LRRTM3: variants seen among roughly 807,000 people sequenced by gnomAD.
The protein encoded by LRRTM3 is leucine-rich repeat transmembrane neuronal protein 3.
Under a neutral mutation model 44.7 loss-of-function variants are expected in LRRTM3, and 24 were observed. That is an observed-to-expected ratio of 0.54 (90% CI 0.39 to 0.76). LRRTM3 has a LOEUF of 0.76. Among genes scored for constraint, LRRTM3 ranks in the 30% least tolerant of loss-of-function variants. The pLI, the probability that LRRTM3 is intolerant of heterozygous loss-of-function variation, is 0.00. For synonymous variants in LRRTM3, 277 were observed against 278.7 expected (o/e 0.99, Z 0.06); for missense variants, 587 against 702.2 (o/e 0.84, Z 1.85).
intron 2 of LRRTM3, among the ~76,000 whole-genome samples, chr10:67,035,814 C>T (rs553234175): frequency 2.2e-4 from 34 of 152,022 alleles, no homozygotes; most frequent in African/African-American, 6.0e-4. Flanking sequence ...AAATCCATAG[C>T]TGAAGCATGC....
chr10:67,070,449 C>T (rs1856376835), intron 2 of LRRTM3, among the ~76,000 whole-genome samples: 1 of 151,992 alleles, frequency 6.6e-6, no homozygotes, highest in Non-Finnish European at 1.5e-5. Context: ...GTTTGTGTCC[C>T]GATTAAGAAA....
At position 67,024,761 on chromosome 10, in the gene LRRTM3, C is replaced by A. The variant is rs147726427; in HGVS notation, c.1537-72826C>A. Among the ~76,000 whole-genome samples, 851 of 152,246 alleles carry A rather than the reference C, an allele frequency of 5.6e-3. 25 individuals carry two copies. The highest frequency in any genetic ancestry group is 0.045 in the Admixed American group (692 of 15,298). On this transcript the variant is annotated intron_variant, in intron 2 of 2. Coordinates refer to ENST00000361320, the MANE Select transcript of LRRTM3 (RefSeq NM_178011.5). ...TCAGAGCCTACTAAACATTCTTTGG[C>A]ATGTCATTGATGTTGCTTTAAATAT...
At position 67,004,715 on chromosome 10, in the gene LRRTM3, T is replaced by C. The variant is rs138118351; in HGVS notation, c.1536+76263T>C. 5.2e-3 allele frequency among the ~76,000 whole-genome samples: 797 copies of C among 152,320 alleles called. 2 individuals are homozygous for C. Among genetic ancestry groups the C allele is most frequent in the African/African-American group, 0.018 (759 of 41,584 alleles). On this transcript the variant is annotated intron_variant, in intron 2 of 2. Transcript: ENST00000361320. ...TTCAAAAGACTAGTATACTCACTGA[T>C]AAATGCCTTTTTAACTTATATCATG... is the stretch of plus-strand genomic sequence containing the variant.
At chr10:67,034,107 A>G (rs1853898497) in intron 2 of LRRTM3, among the ~76,000 whole-genome samples, 1 of 152,052 alleles carries the variant, frequency 6.6e-6, no homozygotes, top group Non-Finnish European at 1.5e-5. Flanking sequence ...AAGCTGACAC[A>G]TTGTTAGAAC....
intron 2 of LRRTM3, among the ~76,000 whole-genome samples, chr10:67,017,950 T>A (rs1852764057): frequency 6.6e-6 from 1 of 151,976 alleles, no homozygotes; most frequent in Admixed American, 6.6e-5. Context: ...TTGTATTTTT[T>A]AAGTTGAGAT....
rs1858284474 is a variant in LRRTM3 at position 67,100,631 on chromosome 10, C to T, written c.*2835C>T. The stretch of plus-strand genomic sequence containing the variant: ...CCGATTTAAACAACTGAAATGTTTA[C>T]TTATGTTTGGAGCTGAAAAATGGAA... On this transcript the variant is annotated 3_prime_UTR_variant, in exon 3 of 3. Transcript: ENST00000361320. Among the ~76,000 whole-genome samples, 1 of 151,618 alleles carries T rather than the reference C, an allele frequency of 6.6e-6. No individual in the cohort carries two copies. Among genetic ancestry groups the T allele is most frequent in the African/African-American group, 2.4e-5 (1 of 41,338 alleles).
chr10:66,926,101 GC>G lies in LRRTM3; in HGVS notation c.-482del. 2.2e-6 allele frequency: 1 copy of G among 458,340 alleles called. No individual in the cohort carries two copies. The highest frequency in any genetic ancestry group is 4.4e-6 in the Non-Finnish European group (1 of 228,156). The allele number at this position is 458,340 out of a possible 1,614,324, so 28.4% of individuals were successfully genotyped here. On this transcript the variant is annotated 5_prime_UTR_variant, in exon 1 of 3. An upstream open reading frame in the 5' UTR loses its in-frame stop. Coordinates refer to ENST00000361320, the MANE Select transcript of LRRTM3 (RefSeq NM_178011.5). ...GAGCTGAGCGTGTGCGCGGTACGGG[GC>G]TCTCCTGCCTTCTGGGCTCCAACGC... is the stretch of plus-strand genomic sequence containing the variant.
intron 2 of LRRTM3, among the ~76,000 whole-genome samples, chr10:67,060,816 G>T (rs541731936): frequency 6.6e-6 from 1 of 151,992 alleles, no homozygotes; most frequent in East Asian, 1.9e-4. Flanking sequence ...CAGTACAAAT[G>T]GTTGTGTACA....
chr10:67,008,925 T>C (rs1288463240), intron 2 of LRRTM3, among the ~76,000 whole-genome samples: 1 of 152,196 alleles, frequency 6.6e-6, no homozygotes, highest in Non-Finnish European at 1.5e-5. Flanking sequence ...AAAATGTTTG[T>C]GCATTTGAAT....
chr10:66,939,921 T>C (rs79286284), intron 2 of LRRTM3, among the ~76,000 whole-genome samples: 1,915 of 152,328 alleles, frequency 0.013, 43 homozygotes, highest in African/African-American at 0.044. Flanking sequence ...GTTATCCACT[T>C]CATGGTTTCA....
intron 2 of LRRTM3, among the ~76,000 whole-genome samples, chr10:67,020,520 T>C (rs77893833): frequency 0.018 from 2,779 of 152,286 alleles, 87 homozygotes; most frequent in African/African-American, 0.062. Context: ...AGTTTCACAA[T>C]AGTCTTAAGT....
intron 2 of LRRTM3, among the ~76,000 whole-genome samples, chr10:66,944,479 C>A (rs1848181472): frequency 6.6e-6 from 1 of 152,202 alleles, no homozygotes; most frequent in Non-Finnish European, 1.5e-5. Flanking sequence ...GGGTTGGAAT[C>A]AACTTCTTCC....
chr10:66,971,408 C>G lies in LRRTM3; in HGVS notation c.1536+42956C>G, dbSNP rs61866211. ...GCCACTGCACTCTAAGCCTGGGCAA[C>G]AGAGAGAGACTCCGTCTCAAAAAAA... is the stretch of plus-strand genomic sequence containing the variant. On this transcript the variant is annotated intron_variant, in intron 2 of 2. Coordinates refer to ENST00000361320, the MANE Select transcript of LRRTM3 (RefSeq NM_178011.5). 5.6e-3 allele frequency among the ~76,000 whole-genome samples: 742 copies of G among 132,026 alleles called. 3 individuals are homozygous for G. Among genetic ancestry groups the G allele is most frequent in the Middle Eastern group, 0.015 (4 of 266 alleles). 86.6% of individuals were successfully genotyped at this position (132,026 alleles called of 152,430 possible). A position where few individuals can be genotyped will look rare whatever the true frequency, so the allele number is the denominator to read the frequency against.
At chr10:67,006,390 C>T (rs1158097831) in intron 2 of LRRTM3, among the ~76,000 whole-genome samples, 3 of 152,086 alleles carry the variant, frequency 2.0e-5, no homozygotes, top group Non-Finnish European at 4.4e-5. Flanking sequence ...CCCCCTCCAC[C>T]CCTTCTCTTT....
In LRRTM3 at chr10:67,101,547, A is replaced by T. The variant is rs1181243141; in HGVS notation, c.*3751A>T. On this transcript the variant is annotated 3_prime_UTR_variant, in exon 3 of 3. Transcript: ENST00000361320. The stretch of plus-strand genomic sequence containing the variant: ...TGCAAATAATATATTTTACTGATCA[A>T]CTCATTTTTGTCAAGTCTCTATTTC... Among the ~76,000 whole-genome samples the T allele has an allele frequency of 2.0e-5, 3 of 151,640 alleles. No individual in the cohort carries two copies. Among genetic ancestry groups the T allele is most frequent in the Non-Finnish European group, 4.4e-5 (3 of 67,784 alleles).
At chr10:67,016,107 A>G (rs549005071) in intron 2 of LRRTM3, among the ~76,000 whole-genome samples, 35 of 152,076 alleles carry the variant, frequency 2.3e-4, no homozygotes, top group Middle Eastern at 3.4e-3. Flanking sequence ...CACTTGTGTC[A>G]TTTATTTGCT....
chr10:66,926,835 A>G lies in LRRTM3; in HGVS notation c.5-86A>G. 5 of 1,234,118 alleles carry G rather than the reference A, an allele frequency of 4.1e-6. No homozygotes were observed. In the South Asian group the frequency reaches 8.2e-5, roughly 20 times the overall value. 76.4% of individuals were successfully genotyped at this position (1,234,118 alleles called of 1,614,324 possible). ...TGTTATTTAGATTTAAATTTTTAAA[A>G]ATGAAAAATATATGCCTATTTTTGC... is the stretch of plus-strand genomic sequence containing the variant. On this transcript the variant is annotated intron_variant, in intron 1 of 2. Transcript: ENST00000361320.
At chr10:67,075,903 T>A (rs1265419706) in intron 2 of LRRTM3, among the ~76,000 whole-genome samples, 1 of 152,222 alleles carries the variant, frequency 6.6e-6, no homozygotes, top group Non-Finnish European at 1.5e-5. Flanking sequence ...GTGTGGAGCA[T>A]GGAAAGAATC....
chr10:67,057,764 C>T (rs1855526828), intron 2 of LRRTM3, among the ~76,000 whole-genome samples: 1 of 152,116 alleles, frequency 6.6e-6, no homozygotes, highest in Non-Finnish European at 1.5e-5. Flanking sequence ...CTCTCTCCCA[C>T]TCTCACTATT....
Sources: gnomAD v4.1 joint callset for allele counts (sites outside exome capture counted in the v4.1 genomes callset) on GRCh38, gnomAD v4.1.1 for gene constraint, MANE v1.5 for transcripts, NCBI Gene and HGNC (gene_info 2026-07-23, HGNC 2026-07-21) for gene names.